Variants in NR2F1-AS1 observed in about 807,000 individuals in gnomAD.
NR2F1-AS1 encodes NR2F1 regulatory antisense RNA 1, also known as NR2F1 antisense RNA 1.
upstream of NR2F1-AS1, chr5:93,584,349 C>A: frequency 6.7e-6 from 1 of 150,236 alleles, no homozygotes; most frequent in South Asian, 1.8e-4. Flanking sequence ...CCGCCCTCGC[C>A]GGCTTCCTCT....
At chr5:93,440,234 A>G (rs1749537369) in intron 4 of NR2F1-AS1, among the ~76,000 whole-genome samples, 2 of 151,824 alleles carry the variant, frequency 1.3e-5, no homozygotes, top group South Asian at 4.2e-4. Flanking sequence ...ACACACACAC[A>G]CAGAGAAAGT....
At chr5:93,446,400 A>C (rs2149855086) in intron 4 of NR2F1-AS1, among the ~76,000 whole-genome samples, 1 of 152,290 alleles carries the variant, frequency 6.6e-6, no homozygotes, top group Non-Finnish European at 1.5e-5. Flanking sequence ...ATTCCTATAC[A>C]CCAATAACAG....
intron 4 of NR2F1-AS1, among the ~76,000 whole-genome samples, chr5:93,431,028 T>A (rs1392508120): frequency 6.6e-6 from 1 of 152,164 alleles, no homozygotes; most frequent in African/African-American, 2.4e-5. Context: ...AAGGGAAATG[T>A]ATGTTTCAGC....
At chr5:93,538,126 C>G (rs1030914843) in intron 4 of NR2F1-AS1, among the ~76,000 whole-genome samples, 1 of 152,110 alleles carries the variant, frequency 6.6e-6, no homozygotes, top group Admixed American at 6.6e-5. Context: ...CAACCCTGAA[C>G]TGGCATAATG....
intron 4 of NR2F1-AS1, among the ~76,000 whole-genome samples, chr5:93,504,238 C>A (rs1561472384): frequency 1.3e-5 from 2 of 152,164 alleles, no homozygotes; most frequent in Admixed American, 1.3e-4. Context: ...GTCATTTATA[C>A]TCTTGAAGTC....
intron 4 of NR2F1-AS1, among the ~76,000 whole-genome samples, chr5:93,499,828 A>G (rs751857856): frequency 3.9e-5 from 6 of 152,236 alleles, no homozygotes; most frequent in Admixed American, 6.5e-5. Context: ...TAAGAAAGCA[A>G]AACAGCCTTA....
chr5:93,519,901 T>C (rs1287075352), intron 4 of NR2F1-AS1, among the ~76,000 whole-genome samples: 5 of 151,974 alleles, frequency 3.3e-5, no homozygotes, highest in African/African-American at 1.2e-4. Flanking sequence ...ATATTACTCA[T>C]CTATGATGAC....
intron 4 of NR2F1-AS1, among the ~76,000 whole-genome samples, chr5:93,534,568 T>A (rs1580311035): frequency 6.6e-6 from 1 of 152,232 alleles, no homozygotes; most frequent in Admixed American, 6.5e-5. Flanking sequence ...CTTAAAATCA[T>A]ATGATTCCTA....
chr5:93,561,660 C>T (rs1364485733), intron 2 of NR2F1-AS1, among the ~76,000 whole-genome samples: 2 of 151,998 alleles, frequency 1.3e-5, no homozygotes, highest in Non-Finnish European at 2.9e-5. Flanking sequence ...GTGGTCCCAG[C>T]TCCATATGAG....
intron 4 of NR2F1-AS1, among the ~76,000 whole-genome samples, chr5:93,458,202 C>T (rs1441261455): frequency 6.6e-5 from 10 of 152,054 alleles, no homozygotes; most frequent in Admixed American, 6.5e-5. Context: ...AGGACCCGCG[C>T]TGGCCACATT....
chr5:93,429,637 GC>G (rs1435626005), intron 4 of NR2F1-AS1, among the ~76,000 whole-genome samples: 1 of 152,174 alleles, frequency 6.6e-6, no homozygotes, highest in Non-Finnish European at 1.5e-5. Context: ...TTAATCAGTG[GC>G]TATAAACATA....
chr5:93,550,383 T>C (rs1752196763), intron 4 of NR2F1-AS1, among the ~76,000 whole-genome samples: 1 of 152,212 alleles, frequency 6.6e-6, no homozygotes, highest in South Asian at 2.1e-4. Context: ...TAATAACCAT[T>C]AGAATGCTCC....
chr5:93,424,749 CA>C (rs199842232), intron 4 of NR2F1-AS1, among the ~76,000 whole-genome samples: 1 of 152,008 alleles, frequency 6.6e-6, no homozygotes. Flanking sequence ...TAATAGGTTT[CA>C]AAAAACAGAA....
intron 1 of NR2F1-AS1, among the ~76,000 whole-genome samples, chr5:93,578,641 C>T (rs910384326): frequency 5.3e-5 from 8 of 152,120 alleles, no homozygotes; most frequent in Non-Finnish European, 1.2e-4. Context: ...CACGTCCAGA[C>T]TCAGCTTAAG....
chr5:93,564,161 C>T lies in NR2F1-AS1; in HGVS notation n.314-698G>A, dbSNP rs540824863. ...AAAAAAAAAAAAAAACACACAACTA[C>T]CTGGAGAATACTTACAGCACAGACA... On this transcript the variant is annotated intron_variant and non_coding_transcript_variant, in intron 1 of 5. Coordinates refer to ENST00000660523, the Ensembl canonical transcript of NR2F1-AS1. 2.6e-5 allele frequency among the ~76,000 whole-genome samples: 3 copies of T among 115,008 alleles called. No individual in the cohort carries two copies. In the South Asian group the frequency reaches 1.0e-3, roughly 38 times the overall value. 75.4% of individuals were successfully genotyped at this position (115,008 alleles called of 152,430 possible). A position where few individuals can be genotyped will look rare whatever the true frequency, so the allele number is the denominator to read the frequency against.
chr5:93,571,205 G>T lies in NR2F1-AS1; in HGVS notation n.314-7742C>A, dbSNP rs539215877. Reference sequence around the variant, plus strand: ...GCCTGGGGCCTTCAGGAAAGCCTCGGGCACTCCCAGCGGGGGACCTAGCGC... The same window carrying T: ...GCCTGGGGCCTTCAGGAAAGCCTCGTGCACTCCCAGCGGGGGACCTAGCGC... On this transcript the variant is annotated intron_variant and non_coding_transcript_variant, in intron 1 of 5. Coordinates refer to ENST00000660523, the Ensembl canonical transcript of NR2F1-AS1. 2.6e-5 allele frequency: 4 copies of T among 152,010 alleles called. No homozygotes were observed. The East Asian group carries it at 7.8e-4, about 30-fold the overall frequency. 9.4% of individuals were successfully genotyped at this position (152,010 alleles called of 1,614,324 possible).
intron 4 of NR2F1-AS1, among the ~76,000 whole-genome samples, chr5:93,440,199 C>G (rs567593789): frequency 1.7e-4 from 25 of 150,760 alleles, no homozygotes; most frequent in African/African-American, 5.7e-4. Context: ...CTCTGTCTCT[C>G]TCTCTCTCTC....
At chr5:93,425,582 T>C (rs908976845) in intron 4 of NR2F1-AS1, among the ~76,000 whole-genome samples, 5 of 152,322 alleles carry the variant, frequency 3.3e-5, no homozygotes, top group African/African-American at 1.2e-4. Context: ...ATCCATCAAA[T>C]ATGCCAGGCA....
At chr5:93,470,022 A>G (rs1327852176) in intron 4 of NR2F1-AS1, among the ~76,000 whole-genome samples, 2 of 152,074 alleles carry the variant, frequency 1.3e-5, no homozygotes, top group Non-Finnish European at 2.9e-5. Context: ...TTAAAACAAG[A>G]TACATCTTCC....
Sources: gnomAD v4.1 joint callset for allele counts (sites outside exome capture counted in the v4.1 genomes callset) on GRCh38, gnomAD v4.1.1 for gene constraint, MANE v1.5 for transcripts, NCBI Gene and HGNC (gene_info 2026-07-23, HGNC 2026-07-21) for gene names.